The following ARRDC5 variants were observed in gnomAD, a reference collection of about 807,000 sequenced individuals.
ARRDC5 encodes the protein arrestin domain containing 5.
Under a neutral mutation model 13.3 loss-of-function variants are expected in ARRDC5, and 12 were observed. That is an observed-to-expected ratio of 0.90 (90% CI 0.58 to 1.46). The LOEUF is 1.46. Ranked by LOEUF, ARRDC5 falls within the 40% of genes most tolerant of loss-of-function variation. The pLI, the probability that ARRDC5 is intolerant of heterozygous loss-of-function variation, is 0.00. For missense variants in ARRDC5, 406 were observed against 418.7 expected (o/e 0.97, Z 0.26); for synonymous variants, 181 against 173.4 (o/e 1.04, Z -0.34).
chr19:4,904,829 A>G (rs1329452339), upstream of ARRDC5, among the ~76,000 whole-genome samples: 1 of 152,196 alleles, frequency 6.6e-6, no homozygotes, highest in Non-Finnish European at 1.5e-5. Flanking sequence ...AGGGAAACTG[A>G]AGCCCTTTGC....
chr19:4,905,613 G>A (rs757207711), upstream of ARRDC5, among the ~76,000 whole-genome samples: 2 of 151,906 alleles, frequency 1.3e-5, no homozygotes, highest in African/African-American at 2.4e-5. Context: ...CGCCTCCTGG[G>A]TTCAAGCAAT....
chr19:4,905,188 C>A (rs914321882), upstream of ARRDC5, among the ~76,000 whole-genome samples: 1 of 140,248 alleles, frequency 7.1e-6, no homozygotes, highest in Non-Finnish European at 1.5e-5. Context: ...GTGATCTCGG[C>A]TCACTGCAAG....
chr19:4,910,810 T>G, the ARRDC5 span: 6 of 1,515,372 alleles, frequency 4.0e-6, no homozygotes, highest in Non-Finnish European at 5.3e-6. Context: ...CCCGACTCCT[T>G]AGAGCATGGC....
At chr19:4,909,870 C>A in the ARRDC5 span, 2 of 378,650 alleles carry the variant, frequency 5.3e-6, no homozygotes, top group Admixed American at 9.2e-5. Context: ...CGGAGCCCGG[C>A]GGGGGGTCGA....
chr19:4,904,291 G>T (rs1314951229), upstream of ARRDC5, among the ~76,000 whole-genome samples: 1 of 152,074 alleles, frequency 6.6e-6, no homozygotes, highest in African/African-American at 2.4e-5. Flanking sequence ...CCATTCTCCT[G>T]CCTCAGCTTC....
chr19:4,913,508 G>A, the ARRDC5 span, among the ~76,000 whole-genome samples: 3 of 151,922 alleles, frequency 2.0e-5, no homozygotes, highest in Non-Finnish European at 4.4e-5. Flanking sequence ...ACCTACCTCC[G>A]TCTCCCAAAG....
intron 2 of ARRDC5, among the ~76,000 whole-genome samples, chr19:4,895,007 A>C (rs527909066): frequency 6.6e-6 from 1 of 152,236 alleles, no homozygotes; most frequent in East Asian, 1.9e-4. Flanking sequence ...GTGTGAAAGA[A>C]CCTGCTGCCC....
intron 2 of ARRDC5, among the ~76,000 whole-genome samples, chr19:4,895,159 C>T (rs61381281): frequency 0.012 from 1,743 of 151,548 alleles, 24 homozygotes; most frequent in African/African-American, 0.039. Context: ...CGGTGGCTAA[C>T]GCCTGTAATC....
At position 4,902,849 on chromosome 19, in the gene ARRDC5, A is replaced by G. The variant is rs371794734; in HGVS notation, c.-24T>C. The G allele has an allele frequency of 4.3e-6, 7 of 1,613,658 alleles. No individual in the cohort carries two copies. Among genetic ancestry groups the G allele is most frequent in the Non-Finnish European group, 5.1e-6 (6 of 1,179,826 alleles). On this transcript the variant is annotated 5_prime_UTR_variant, in exon 1 of 3. The change abolishes an upstream ATG in the 5' untranslated region. Coordinates refer to ENST00000650722, the MANE Select transcript of ARRDC5 (RefSeq NM_001080523.3). The stretch of plus-strand genomic sequence containing the variant: ...ATGGGGGGTTGGGGGGTAGAGAGAC[A>G]TTCCTCTCTGTCCCCCATGTCCCTG...
At chr19:4,902,288 T>C (rs1332242805) in intron 1 of ARRDC5, among the ~76,000 whole-genome samples, 2 of 152,256 alleles carry the variant, frequency 1.3e-5, no homozygotes, top group Non-Finnish European at 2.9e-5. Context: ...ATAAGACTTC[T>C]CAGAGGCCTC....
At chr19:4,911,086 C>G in the ARRDC5 span, 1 of 1,457,824 alleles carries the variant, frequency 6.9e-7, no homozygotes, top group East Asian at 2.5e-5. Context: ...CCAGGCCTCG[C>G]GCCTCTGCAG....
chr19:4,895,442 A>G (rs1297763470), intron 2 of ARRDC5, among the ~76,000 whole-genome samples: 3 of 150,970 alleles, frequency 2.0e-5, no homozygotes, highest in Non-Finnish European at 4.4e-5. Context: ...AAAAAAAAAA[A>G]AAAAAGAAAG....
At chr19:4,910,846 G>C in the ARRDC5 span, 127 of 1,578,076 alleles carry the variant, frequency 8.0e-5, no homozygotes, top group Admixed American at 1.4e-4. Flanking sequence ...TGGTAAAACT[G>C]ATGGGGGTTT....
At chr19:4,903,030 T>TTTTTCACTGGTTC (rs150232990), upstream of ARRDC5, 25,924 of 210,346 alleles carry the variant, frequency 0.12, 43 homozygotes, top group South Asian at 0.18. Context: ...TCACTGGTTC[T>TTTTTCACTGGTTC]TTTTTTTTTT....
chr19:4,892,515 T>C (rs2031547279), intron 2 of ARRDC5, among the ~76,000 whole-genome samples: 1 of 150,362 alleles, frequency 6.7e-6, no homozygotes, highest in South Asian at 2.1e-4. Flanking sequence ...CAGGCATGTG[T>C]GCCACCACAC....
At chr19:4,895,170 C>T (rs2031667298) in intron 2 of ARRDC5, among the ~76,000 whole-genome samples, 1 of 151,640 alleles carries the variant, frequency 6.6e-6, no homozygotes, top group Non-Finnish European at 1.5e-5. Context: ...GCCTGTAATC[C>T]CAGCACTTTG....
At chr19:4,896,524 C>T (rs2031739957) in intron 2 of ARRDC5, 147 bp downstream of exon 2, 4 of 624,248 alleles carry the variant, frequency 6.4e-6, no homozygotes, top group Non-Finnish European at 1.1e-5. Context: ...TTCTGACTCA[C>T]CTTTTGTGAA....
chr19:4,895,356 G>T (rs1599212438), intron 2 of ARRDC5, among the ~76,000 whole-genome samples: 1 of 139,626 alleles, frequency 7.2e-6, no homozygotes, highest in African/African-American at 2.6e-5. Flanking sequence ...CTGGGAGGCA[G>T]AGGTTGTATT....
rs2031506097 is a variant in ARRDC5, at chr19:4,891,436, G to C, written c.597C>G (p.Asn199Lys). The C allele has an allele frequency of 1.2e-6, 2 of 1,613,522 alleles. No individual in the cohort carries two copies. Among genetic ancestry groups the C allele is most frequent in the African/African-American group, 1.3e-5 (1 of 75,046 alleles). Residue 199 changes from asparagine (N) to lysine (K), a missense_variant, in exon 3 of 3, where the codon AAC becomes AAG. Transcript: ENST00000650722. ...EKVVFTTEIN[N>K]QTSKCIKTVV... The stretch of plus-strand genomic sequence containing the variant: ...CCGTCTTGATGCATTTGCTGGTCTG[G>C]TTGTTGATCTCTGTTGTGAAGACGA...
Sources: gnomAD v4.1 joint callset for allele counts (sites outside exome capture counted in the v4.1 genomes callset) on GRCh38, gnomAD v4.1.1 for gene constraint, MANE v1.5 for transcripts, NCBI Gene and HGNC (gene_info 2026-07-23, HGNC 2026-07-21) for gene names.